The following BARD1 variants were observed in gnomAD, a reference collection of about 807,000 sequenced individuals.
BARD1 encodes the protein BRCA1-associated RING domain protein 1.
A neutral mutation model predicts 77.0 loss-of-function variants in BARD1; 73 were observed. The observed-to-expected ratio is 0.95, with a 90% CI of 0.79 to 1.15. The LOEUF is 1.15. Ranked by LOEUF, BARD1 falls within the 50% of genes most tolerant of loss-of-function variation. BARD1 has a pLI of 0.00. For synonymous variants in BARD1, 384 were observed against 338.0 expected (o/e 1.14, Z -1.49); for missense variants, 993 against 938.8 (o/e 1.06, Z -0.75).
rs863224365 is a variant in BARD1 at position 214,780,947 on chromosome 2, T to C, written c.927A>G (p.Thr309=). 1.2e-6 allele frequency: 2 copies of C among 1,613,810 alleles called. No homozygotes were observed. Among genetic ancestry groups the C allele is most frequent in the Non-Finnish European group, 1.7e-6 (2 of 1,179,874 alleles). ...TTTCTAATGGCAAAGATTTCTTAGATGTAAGATAATTTTTGCAGACCTTCT... is the reference window on the plus strand; with the variant it reads ...TTTCTAATGGCAAAGATTTCTTAGACGTAAGATAATTTTTGCAGACCTTCT... ...TPEKVCKNYL[T]SKKSLPLENN... Residue 309 remains threonine, a synonymous_variant, in exon 4 of 11, where the codon ACA becomes ACG. Coordinates refer to ENST00000260947, the MANE Select transcript of BARD1 (RefSeq NM_000465.4).
chr2:214,785,515 T>C (rs571359925), intron 3 of BARD1, among the ~76,000 whole-genome samples: 2 of 152,150 alleles, frequency 1.3e-5, no homozygotes, highest in South Asian at 4.1e-4. Flanking sequence ...CTCTTAAATC[T>C]TTCCAAATGT....
At chr2:214,759,325 G>A (rs981013792) in intron 6 of BARD1, among the ~76,000 whole-genome samples, 1 of 151,948 alleles carries the variant, frequency 6.6e-6, no homozygotes, top group Non-Finnish European at 1.5e-5. Flanking sequence ...CATGTTATTC[G>A]CCACACACTC....
intron 1 of BARD1, among the ~76,000 whole-genome samples, chr2:214,800,637 T>C (rs1458334806): frequency 6.6e-6 from 1 of 152,232 alleles, no homozygotes; most frequent in Non-Finnish European, 1.5e-5. Flanking sequence ...GCTATTCCAC[T>C]GCCAGGAATT....
intron 1 of BARD1, among the ~76,000 whole-genome samples, chr2:214,802,321 G>C (rs1696061343): frequency 6.6e-6 from 1 of 152,154 alleles, no homozygotes; most frequent in Admixed American, 6.5e-5. Context: ...CTTTGTGTTA[G>C]ATGATTTAAC....
chr2:214,735,544 C>T (rs1692534187), intron 9 of BARD1, among the ~76,000 whole-genome samples: 1 of 152,146 alleles, frequency 6.6e-6, no homozygotes, highest in African/African-American at 2.4e-5. Flanking sequence ...TTTATTACTT[C>T]CAATTCAGGG....
Position 214,725,679 on chromosome 2 carries a change from G to A in BARD1, c.*2997C>T, listed in dbSNP as rs1315849983. 4.6e-6 allele frequency: 1 copy of A among 217,492 alleles called. No individual in the cohort carries two copies. Among genetic ancestry groups the A allele is most frequent in the African/African-American group, 2.2e-5 (1 of 44,540 alleles). The allele number at this position is 217,492 out of a possible 1,614,324, so 13.5% of individuals were successfully genotyped here. On this transcript the variant is annotated 3_prime_UTR_variant, in exon 11 of 11. Transcript: ENST00000260947. ...CAATATTTATTTATTCATTCAGTTT[G>A]ATGTGCGTATCTTTGAAAAGGGTTG...
At chr2:214,783,319 C>T (rs573366007) in intron 3 of BARD1, among the ~76,000 whole-genome samples, 14 of 152,150 alleles carry the variant, frequency 9.2e-5, no homozygotes, top group Non-Finnish European at 1.8e-4. Flanking sequence ...TTACAGAGAC[C>T]ACGGAAGAAA....
At chr2:214,798,643 C>T (rs1695868682) in intron 1 of BARD1, among the ~76,000 whole-genome samples, 1 of 151,920 alleles carries the variant, frequency 6.6e-6, no homozygotes, top group Admixed American at 6.6e-5. Context: ...ATTTCCAAGC[C>T]ACCTTCACCA....
rs1553612005 is a variant in BARD1 at position 214,728,687 on chromosome 2, G to A, written c.2323C>T (p.Leu775Phe). 2 of 1,614,174 alleles carry A rather than the reference G, an allele frequency of 1.2e-6. No homozygotes were observed. The highest frequency in any genetic ancestry group is 1.7e-6 in the Non-Finnish European group (2 of 1,180,036). ...ATCTGGTATAATATTCAGCTGTCAA[G>A]AGGAAGCAACTCAAAGGACATCACA... ...DCVMSFELLP[L>F]DS Residue 775 changes from leucine to phenylalanine, a missense_variant, in exon 11 of 11, where the codon CTT becomes TTT. Coordinates refer to ENST00000260947, the MANE Select transcript of BARD1 (RefSeq NM_000465.4).
chr2:214,784,959 G>A (rs1012402390), intron 3 of BARD1, among the ~76,000 whole-genome samples: 4 of 151,440 alleles, frequency 2.6e-5, no homozygotes, highest in Non-Finnish European at 5.9e-5. Context: ...AAACCACCAC[G>A]GCATGTGTAA....
chr2:214,800,479 A>G lies in BARD1; in HGVS notation c.159-3362T>C, dbSNP rs770464366. Among the ~76,000 whole-genome samples, 54 of 152,194 alleles carry G rather than the reference A, an allele frequency of 3.5e-4. 1 individual carries two copies. The highest frequency in any genetic ancestry group is 6.5e-4 in the Admixed American group (10 of 15,274). ...CTTGAGCCCAAGAGTTCAGGGCTAT[A>G]GTGTGCCATGATCGTGCCTGTGAAT... is the stretch of plus-strand genomic sequence containing the variant. On this transcript the variant is annotated intron_variant, in intron 1 of 10. Coordinates refer to ENST00000260947, the MANE Select transcript of BARD1 (RefSeq NM_000465.4).
intron 10 of BARD1, among the ~76,000 whole-genome samples, chr2:214,729,350 T>C (rs1692248847): frequency 6.6e-6 from 1 of 152,220 alleles, no homozygotes. Context: ...AGGTCAGGTG[T>C]GGAATTTTCC....
chr2:214,759,000 AC>A, intron 6 of BARD1, among the ~76,000 whole-genome samples: 1 of 152,348 alleles, frequency 6.6e-6, no homozygotes, highest in East Asian at 1.9e-4. Context: ...CATGAATGAA[AC>A]CCTTCATGAA....
At position 214,737,803 on chromosome 2, in the gene BARD1, C is replaced by T. The variant is rs538518432; in HGVS notation, c.1903+7264G>A. On this transcript the variant is annotated intron_variant, in intron 9 of 10. Coordinates refer to ENST00000260947, the MANE Select transcript of BARD1 (RefSeq NM_000465.4). ...TGAATAAAAGTTAAGCAATCTGCAG[C>T]AAGAATTCTTAACCTATTTTCCATT... 4.8e-4 allele frequency among the ~76,000 whole-genome samples: 73 copies of T among 152,168 alleles called. No individual in the cohort carries two copies. The Middle Eastern group carries it at 0.01, about 21-fold the overall frequency.
intron 1 of BARD1, 36 bp from the exon 2 acceptor site, chr2:214,797,153 C>A: frequency 6.5e-7 from 1 of 1,541,984 alleles, no homozygotes; most frequent in South Asian, 1.1e-5. Context: ...AGATTTGAGT[C>A]ATTGTTAGAT....
rs996675923 is a variant in BARD1 at position 214,780,918 on chromosome 2, T to C, written c.956A>G (p.Asn319Ser). The change falls in exon 4 of 11, where the codon AAT becomes AGT. Residue 319 changes from asparagine (N) to serine (S), a missense_variant. Transcript: ENST00000260947. ...TSKKSLPLENNGKRGHHNRLS... is the reference protein window; with the variant it reads ...TSKKSLPLENSGKRGHHNRLS... ...TCTATTGTGATGGCCACGTTTTCCA[T>C]TATTTTCTAATGGCAAAGATTTCTT... is the stretch of plus-strand genomic sequence containing the variant. 4 of 1,614,088 alleles carry C rather than the reference T, an allele frequency of 2.5e-6. No individual in the cohort carries two copies. The highest frequency in any genetic ancestry group is 1.1e-5 in the South Asian group (1 of 91,076).
At chr2:214,762,423 A>G (rs1158545519) in intron 6 of BARD1, among the ~76,000 whole-genome samples, 1 of 152,200 alleles carries the variant, frequency 6.6e-6, no homozygotes, top group Non-Finnish European at 1.5e-5. Context: ...GCATGTGTAT[A>G]CCTACATACA....
At chr2:214,732,499 C>CT (rs1692401372) in intron 9 of BARD1, among the ~76,000 whole-genome samples, 3 of 152,032 alleles carry the variant, frequency 2.0e-5, no homozygotes, top group East Asian at 3.9e-4. Flanking sequence ...GGGTTCACAC[C>CT]TTTCTCCTGC....
chr2:214,798,659 T>C lies in BARD1; in HGVS notation c.159-1542A>G, dbSNP rs74632956. Reference sequence around the variant, plus strand: ...TTTCCAAGCCACCTTCACCACTACCTAATTGTGCTGACCTCTTAGACACTC... The same window carrying C: ...TTTCCAAGCCACCTTCACCACTACCCAATTGTGCTGACCTCTTAGACACTC... On this transcript the variant is annotated intron_variant, in intron 1 of 10. Transcript: ENST00000260947. 5.8e-3 allele frequency among the ~76,000 whole-genome samples: 872 copies of C among 151,210 alleles called. 11 individuals are homozygous for C. Among genetic ancestry groups the C allele is most frequent in the African/African-American group, 0.02 (822 of 41,138 alleles).
Sources: allele counts gnomAD v4.1 joint callset (sites outside exome capture counted in the v4.1 genomes callset), GRCh38; gene constraint gnomAD v4.1.1; transcripts MANE v1.5; gene names NCBI Gene and HGNC (gene_info 2026-07-23, HGNC 2026-07-21).